RARB: variants seen among roughly 807,000 people sequenced by gnomAD.
RARB encodes HBV-activated protein.
A neutral mutation model predicts 51.9 loss-of-function variants in RARB; 17 were observed. The ratio of observed to expected loss-of-function variants is 0.33; its 90% CI spans 0.22 to 0.49. RARB has a LOEUF of 0.49. RARB is among the 20% of genes least tolerant of loss of function. RARB has a pLI of 0.99. For missense variants in RARB, 369 were observed against 550.8 expected (o/e 0.67, Z 3.30); for synonymous variants, 215 against 195.4 (o/e 1.10, Z -0.84).
At chr3:25,233,402 A>G (rs950842423) in intron 5 of RARB, among the ~76,000 whole-genome samples, 4 of 152,148 alleles carry the variant, frequency 2.6e-5, no homozygotes, top group African/African-American at 4.8e-5. Flanking sequence ...CAACCTTGCT[A>G]ACATCACTTA....
chr3:24,896,043 A>G (rs1310101519), intron 2 of RARB, among the ~76,000 whole-genome samples: 3 of 152,236 alleles, frequency 2.0e-5, no homozygotes, highest in Non-Finnish European at 4.4e-5. Context: ...TGGGAATGAA[A>G]TTCCGTTACA....
At chr3:25,339,024 G>A (rs1021159858) in intron 5 of RARB, among the ~76,000 whole-genome samples, 10 of 152,248 alleles carry the variant, frequency 6.6e-5, no homozygotes, top group East Asian at 3.9e-4. Context: ...GACTGTAATA[G>A]CAATAAAACT....
intron 5 of RARB, among the ~76,000 whole-genome samples, chr3:25,384,720 G>T (rs1216455988): frequency 6.6e-6 from 1 of 152,162 alleles, no homozygotes; most frequent in Non-Finnish European, 1.5e-5. Flanking sequence ...TTTGGCACCA[G>T]TGAGTTGCAG....
chr3:25,148,583 C>A (rs1015981338), intron 4 of RARB, among the ~76,000 whole-genome samples: 15 of 152,242 alleles, frequency 9.9e-5, no homozygotes, highest in Non-Finnish European at 1.6e-4. Context: ...TGTCGCTGTA[C>A]TTTTATGGAA....
chr3:25,251,268 T>C (rs1436045581), intron 5 of RARB, among the ~76,000 whole-genome samples: 1 of 152,134 alleles, frequency 6.6e-6, no homozygotes, highest in Non-Finnish European at 1.5e-5. Flanking sequence ...ATCCATTCTT[T>C]ACAAGATGGG....
At chr3:25,299,720 C>G (rs1279750901) in intron 5 of RARB, among the ~76,000 whole-genome samples, 2 of 152,094 alleles carry the variant, frequency 1.3e-5, no homozygotes, top group Non-Finnish European at 2.9e-5. Flanking sequence ...AAGAAGTTTA[C>G]AACCCTCAGC....
chr3:24,877,346 C>CTTTTTGTTTTTT (rs1363722483), intron 2 of RARB, among the ~76,000 whole-genome samples: 2 of 81,892 alleles, frequency 2.4e-5, no homozygotes, highest in Non-Finnish European at 4.4e-5. Flanking sequence ...AGCAATCTTA[C>CTTTTTGTTTTTT]TTTTTTTTTT....
At chr3:25,293,931 A>T (rs1041169282) in intron 5 of RARB, among the ~76,000 whole-genome samples, 6 of 152,182 alleles carry the variant, frequency 3.9e-5, no homozygotes, top group Non-Finnish European at 7.3e-5. Context: ...CTCATGGCTC[A>T]TCGGTTGTCT....
chr3:25,091,803 T>C lies in RARB; in HGVS notation c.-328+31627T>C, dbSNP rs561143464. On this transcript the variant is annotated intron_variant, in intron 3 of 11. Coordinates refer to the RARB transcript ENST00000383772. ...CCGTCTTCATGTAAAAAGGTTTAAT[T>C]TGGGGTTTATGTTTCCCTCTGTGGT... 2.0e-5 allele frequency among the ~76,000 whole-genome samples: 3 copies of C among 152,296 alleles called. No individual in the cohort carries two copies. In the East Asian group the frequency reaches 5.8e-4, roughly 29 times the overall value.
chr3:25,283,983 G>C (rs556215026), intron 5 of RARB, among the ~76,000 whole-genome samples: 83 of 152,302 alleles, frequency 5.4e-4, no homozygotes, highest in African/African-American at 2.0e-3. Flanking sequence ...CAAAAGTGAT[G>C]GTAGGTCATT....
intron 5 of RARB, among the ~76,000 whole-genome samples, chr3:25,399,278 C>A (rs1707202492): frequency 6.6e-6 from 1 of 152,132 alleles, no homozygotes; most frequent in African/African-American, 2.4e-5. Context: ...CTAGTCTCTC[C>A]TTAGTCCTTG....
chr3:24,944,117 A>G (rs1442210495), intron 2 of RARB, among the ~76,000 whole-genome samples: 1 of 152,168 alleles, frequency 6.6e-6, no homozygotes, highest in Non-Finnish European at 1.5e-5. Context: ...CATCCTCTTT[A>G]CTGGATATTA....
At chr3:25,421,403 C>CTTTTTTTTTTTTTTTTTTTTTT (rs766378555) in intron 5 of RARB, among the ~76,000 whole-genome samples, 1 of 72,374 alleles carries the variant, frequency 1.4e-5, no homozygotes, top group Non-Finnish European at 2.6e-5. Flanking sequence ...TTCTTCTTTT[C>CTTTTTTTTTTTTTTTTTTTTTT]TTTTTTTTTT....
intron 3 of RARB, among the ~76,000 whole-genome samples, chr3:25,533,783 TA>T (rs1228763253): frequency 6.6e-6 from 1 of 152,192 alleles, no homozygotes; most frequent in Non-Finnish European, 1.5e-5. Flanking sequence ...GGACTATCTG[TA>T]TAAATAAGTT....
chr3:24,916,313 C>T (rs1004988535), intron 2 of RARB, among the ~76,000 whole-genome samples: 2 of 152,110 alleles, frequency 1.3e-5, no homozygotes, highest in African/African-American at 4.8e-5. Flanking sequence ...CCCTACTACA[C>T]CTGATTTTCT....
At chr3:25,364,656 G>A (rs188354169) in intron 5 of RARB, among the ~76,000 whole-genome samples, 11 of 152,330 alleles carry the variant, frequency 7.2e-5, no homozygotes, top group East Asian at 3.9e-4. Flanking sequence ...GGGCTGTATC[G>A]GAGAGGGCCT....
Position 25,192,993 on chromosome 3 carries a change from G to A in RARB, c.178+18418G>A, listed in dbSNP as rs187186444. Among the ~76,000 whole-genome samples the A allele has an allele frequency of 7.7e-4, 117 of 152,082 alleles. 1 individual carries two copies. In the Middle Eastern group the frequency reaches 0.014, roughly 18 times the overall value. ...TAGAAGGAAGCTCTAAATAAATGTT[G>A]CTTCAGACATTGTAGGTGGAAAAAG... On this transcript the variant is annotated intron_variant, in intron 5 of 11. Transcript: ENST00000383772.
intron 5 of RARB, among the ~76,000 whole-genome samples, chr3:25,287,107 A>G (rs1703675425): frequency 6.6e-6 from 1 of 152,244 alleles, no homozygotes; most frequent in Non-Finnish European, 1.5e-5. Context: ...ACATAAACTA[A>G]TTCACATTCT....
intron 2 of RARB, among the ~76,000 whole-genome samples, chr3:24,991,753 T>C (rs1696916401): frequency 6.6e-6 from 1 of 151,156 alleles, no homozygotes; most frequent in East Asian, 1.9e-4. Context: ...CTGAGCCATA[T>C]GGAGGGTGTT....
Sources: allele counts gnomAD v4.1 joint callset (sites outside exome capture counted in the v4.1 genomes callset), GRCh38; gene constraint gnomAD v4.1.1; transcripts MANE v1.5; gene names NCBI Gene and HGNC (gene_info 2026-07-23, HGNC 2026-07-21).